The following MYO18A variants were observed in gnomAD, a reference collection of about 807,000 sequenced individuals.
MYO18A encodes myosin XVIIIA.
MYO18A carries 78 observed loss-of-function variants against 235.8 expected under a neutral mutation model. The ratio of observed to expected loss-of-function variants is 0.33; its 90% confidence interval spans 0.28 to 0.40. The LOEUF is 0.40. Among genes scored for constraint, MYO18A ranks in the 10% least tolerant of loss-of-function variants. The pLI, the probability that MYO18A is intolerant of heterozygous loss-of-function variation, is 1.00. For missense variants in MYO18A, 2,215 were observed against 2,699.3 expected (o/e 0.82, Z 3.98); for synonymous variants, 977 against 1,077.8 (o/e 0.91, Z 1.83).
rs1263914554 is a variant in MYO18A, at chr17:29,074,185, A to G, written c.*585T>C. ...GAAAGGACTGCTCTCTGAAGGGTGA[A>G]GATGGAGATGACATTCCCGAGTCGT... is the stretch of plus-strand genomic sequence containing the variant. On this transcript the variant is annotated 3_prime_UTR_variant, in exon 42 of 42. Transcript: ENST00000527372. This position sits in a 1 kb window ranked among gnomAD's most constrained non-coding sequence, Gnocchi z 4.4. The G allele has an allele frequency of 5.0e-6, 8 of 1,603,332 alleles. No homozygotes were observed. Among genetic ancestry groups the G allele is most frequent in the South Asian group, 1.1e-5 (1 of 89,776 alleles).
chr17:29,166,700 T>C lies in MYO18A; in HGVS notation c.241A>G (p.Ile81Val), dbSNP rs199531795. The change falls in exon 2 of 42, where the codon ATT becomes GTT. Residue 81 changes from isoleucine to valine, a missense_variant. Ile to Val is a conservative substitution (Grantham distance 29). Transcript: ENST00000527372. ...CTGCCCCGGTTACTATCGGAGTCAATGTCAGTCAGGTGCAGGTCAGAGCCG... is the reference window on the plus strand; with the variant it reads ...CTGCCCCGGTTACTATCGGAGTCAACGTCAGTCAGGTGCAGGTCAGAGCCG... ...ASGSDLHLTD[I>V]DSDSNRGSVI... The C allele has an allele frequency of 6.2e-7, 1 of 1,613,616 alleles. No homozygotes were observed. Among genetic ancestry groups the C allele is most frequent in the Non-Finnish European group, 8.5e-7 (1 of 1,179,866 alleles).
Position 29,074,188 on chromosome 17 carries a change from T to G in MYO18A, c.*582A>C. 1 of 1,601,770 alleles carries G rather than the reference T, an allele frequency of 6.2e-7. No homozygotes were observed. Among genetic ancestry groups the G allele is most frequent in the Non-Finnish European group, 8.5e-7 (1 of 1,172,046 alleles). ...AGGACTGCTCTCTGAAGGGTGAAGATGGAGATGACATTCCCGAGTCGTTCT... is the reference window on the plus strand; with the variant it reads ...AGGACTGCTCTCTGAAGGGTGAAGAGGGAGATGACATTCCCGAGTCGTTCT... On this transcript the variant is annotated 3_prime_UTR_variant, in exon 42 of 42. Transcript: ENST00000527372. The surrounding 1 kb of genome is among the most constrained non-coding windows in gnomAD (Gnocchi z 4.4).
chr17:29,170,536 A>T (rs547265570), intron 1 of MYO18A, among the ~76,000 whole-genome samples: 15 of 152,118 alleles, frequency 9.9e-5, no homozygotes, highest in Middle Eastern at 3.4e-3. Flanking sequence ...TGCAGTTTCC[A>T]TCTGCCTCCC....
intron 2 of MYO18A, among the ~76,000 whole-genome samples, chr17:29,144,470 G>T (rs966552337): frequency 2.0e-5 from 3 of 152,094 alleles, no homozygotes; most frequent in African/African-American, 7.2e-5. Flanking sequence ...GACCCACCCG[G>T]CAATGCAAAG....
rs751023642 is a variant in MYO18A, at chr17:29,098,357, C to T, written c.3869G>A (p.Arg1290Gln). The change falls in exon 24 of 42, where the codon CGG becomes CAG. Residue 1290 changes from arginine to glutamine, a missense_variant and splice_region_variant. By Grantham distance (43) the Arg-to-Gln change is conservative (BLOSUM62 1). Coordinates refer to ENST00000527372, the MANE Select transcript of MYO18A (RefSeq NM_078471.4). ...LRLNSDRLES[R>Q]ISELTSELTD... The stretch of plus-strand genomic sequence containing the variant: ...GGTGTGGTGCCAGGAGTCACTCACC[C>T]GGCTCTCCAGCCGGTCACTGTTGAG... 8 of 1,613,698 alleles carry T rather than the reference C, an allele frequency of 5.0e-6. No homozygotes were observed. Among genetic ancestry groups the T allele is most frequent in the African/African-American group, 1.3e-5 (1 of 75,060 alleles).
intron 3 of MYO18A, 86 bp from the exon 4 acceptor site, chr17:29,122,043 C>A (rs908832283): frequency 4.0e-6 from 6 of 1,507,446 alleles, no homozygotes; most frequent in Middle Eastern, 1.7e-4. Flanking sequence ...TCCTCCCCCC[C>A]ACTGCATCAC....
chr17:29,133,196 C>T (rs2067514800), intron 2 of MYO18A, among the ~76,000 whole-genome samples: 1 of 152,232 alleles, frequency 6.6e-6, no homozygotes, highest in East Asian at 1.9e-4. Flanking sequence ...AACACTGGGC[C>T]CAGCTCTGAG....
Position 29,166,507 on chromosome 17 carries a change from C to T in MYO18A, c.434G>A (p.Ser145Asn), listed in dbSNP as rs763557350. Residue 145 changes from serine (S) to asparagine (N), a missense_variant, in exon 2 of 42, where the codon AGC (serine) becomes AAC (asparagine). Transcript: ENST00000527372. ...IVKRFSFSQR[S>N]RDESASETST... ...GGTTTCTGAGGCGCTCTCATCCCGG[C>T]TACGCTGGGAGAAGGAAAAGCGCTT... 6.2e-7 allele frequency: 1 copy of T among 1,613,660 alleles called. No homozygotes were observed. The highest frequency in any genetic ancestry group is 8.5e-7 in the Non-Finnish European group (1 of 1,179,852).
Position 29,092,838 on chromosome 17 carries a change from G to A in MYO18A, c.5073+17C>T. The A allele has an allele frequency of 6.2e-7, 1 of 1,613,408 alleles. No homozygotes were observed. The highest frequency in any genetic ancestry group is 8.5e-7 in the Non-Finnish European group (1 of 1,179,752). Reference sequence around the variant, plus strand: ...GCTCTGTTGTGCCTGGATCAGCCGTGTGCTCTCTGTGGATACCTGGTTCTT... The same window carrying A: ...GCTCTGTTGTGCCTGGATCAGCCGTATGCTCTCTGTGGATACCTGGTTCTT... On this transcript the variant is annotated intron_variant, in intron 33 of 41. Coordinates refer to ENST00000527372, the MANE Select transcript of MYO18A (RefSeq NM_078471.4).
intron 40 of MYO18A, among the ~76,000 whole-genome samples, 162 bp downstream of exon 40, chr17:29,085,442 C>T (rs535222373): frequency 8.5e-5 from 13 of 152,324 alleles, no homozygotes; most frequent in South Asian, 4.1e-4. Context: ...CTGCCTCCCC[C>T]GAGGATAGAG....
intron 19 of MYO18A, among the ~76,000 whole-genome samples, chr17:29,108,934 A>G (rs2066860984): frequency 6.6e-6 from 1 of 152,146 alleles, no homozygotes; most frequent in Admixed American, 6.6e-5. Flanking sequence ...TGGTTTTGAA[A>G]TAATAAACAC....
At chr17:29,086,298 C>T in intron 39 of MYO18A, 140 bp downstream of exon 39, 1 of 946,028 alleles carries the variant, frequency 1.1e-6, no homozygotes, top group Non-Finnish European at 1.6e-6. Context: ...GTGCTGGGAT[C>T]TGGCAGTAAA....
chr17:29,173,489 G>A (rs1401139098), intron 1 of MYO18A, among the ~76,000 whole-genome samples: 5 of 150,470 alleles, frequency 3.3e-5, no homozygotes, highest in African/African-American at 9.8e-5. Context: ...CCGGGTTCAC[G>A]CCATTCTCCT....
At chr17:29,153,547 T>C (rs972029945) in intron 2 of MYO18A, among the ~76,000 whole-genome samples, 3 of 152,156 alleles carry the variant, frequency 2.0e-5, no homozygotes, top group Non-Finnish European at 1.5e-5. Context: ...ATGGCCAGGA[T>C]TCAGACCCAA....
At chr17:29,087,534 A>C (rs1020949816) in intron 37 of MYO18A, among the ~76,000 whole-genome samples, 1 of 152,290 alleles carries the variant, frequency 6.6e-6, no homozygotes, top group South Asian at 2.1e-4. Context: ...TCCTGTGCTC[A>C]GAGGTAAATG....
At chr17:29,123,162 C>G (rs1338040556) in intron 2 of MYO18A, among the ~76,000 whole-genome samples, 1 of 152,178 alleles carries the variant, frequency 6.6e-6, no homozygotes, top group African/African-American at 2.4e-5. Context: ...AACCTGGCAC[C>G]CTCTAAGAAG....
In MYO18A at chr17:29,098,980, G is replaced by A. The variant is rs941629465; in HGVS notation, c.3637-11C>T. 1 of 1,612,508 alleles carries A rather than the reference G, an allele frequency of 6.2e-7. No individual in the cohort carries two copies. Among genetic ancestry groups the A allele is most frequent in the Non-Finnish European group, 8.5e-7 (1 of 1,179,724 alleles). On this transcript the variant is annotated splice_polypyrimidine_tract_variant and intron_variant, in intron 22 of 41. Transcript: ENST00000527372. Reference sequence around the variant, plus strand: ...GGCCAGGTCCTGGATCTGCAGGTGGGGTGGGGGTGGTGCACAGCGGGGCTC... The same window carrying A: ...GGCCAGGTCCTGGATCTGCAGGTGGAGTGGGGGTGGTGCACAGCGGGGCTC...
intron 2 of MYO18A, among the ~76,000 whole-genome samples, chr17:29,123,577 G>A (rs1225178836): frequency 6.6e-6 from 1 of 152,212 alleles, no homozygotes. Flanking sequence ...AGTGCTGGAC[G>A]GCCCTTCCCC....
intron 1 of MYO18A, among the ~76,000 whole-genome samples, chr17:29,167,903 TG>T (rs2068318377): frequency 6.6e-6 from 1 of 152,162 alleles, no homozygotes; most frequent in Admixed American, 6.5e-5. Context: ...TGACTACCAC[TG>T]GCTAGGCCTA....
Sources: allele counts gnomAD v4.1 joint callset (sites outside exome capture counted in the v4.1 genomes callset), GRCh38; gene constraint gnomAD v4.1.1; non-coding constraint Gnocchi (gnomAD v3.1); transcripts MANE v1.5; gene names NCBI Gene and HGNC (gene_info 2026-07-23, HGNC 2026-07-21).